The following UST variants were observed in gnomAD, a reference collection of about 807,000 sequenced individuals.
The protein encoded by UST is chondroitin sulfate 2-O-sulfotransferase.
Under a neutral mutation model 45.6 loss-of-function variants are expected in UST, and 21 were observed. That is an observed-to-expected ratio of 0.46 (90% CI 0.33 to 0.66). The LOEUF (loss-of-function observed/expected upper bound fraction) is 0.66. UST is among the 30% of genes least tolerant of loss of function. UST has a pLI of 0.02. For synonymous variants in UST, 215 were observed against 200.6 expected, an observed-to-expected ratio of 1.07 and a Z score of -0.61; for missense variants, 463 against 512.4, an observed-to-expected ratio of 0.90 and a Z score of 0.93.
intron 5 of UST, among the ~76,000 whole-genome samples, chr6:148,965,876 CTTTTTT>C (rs56202168): frequency 0.027 from 3,452 of 126,256 alleles, 80 homozygotes; most frequent in African/African-American, 0.083. Context: ...TGGCTTTTCC[CTTTTTT>C]TTTTTTTTTT....
chr6:149,012,801 AT>A (rs67919274), intron 5 of UST, among the ~76,000 whole-genome samples: 31,114 of 138,710 alleles, frequency 0.22, 3,383 homozygotes, highest in Non-Finnish European at 0.24. Context: ...CAGAGTCACT[AT>A]TTAAAAAAAA....
chr6:148,797,980 T>C (rs1385706428), intron 1 of UST, among the ~76,000 whole-genome samples: 1 of 152,144 alleles, frequency 6.6e-6, no homozygotes, highest in East Asian at 1.9e-4. Flanking sequence ...ATCATTCTAA[T>C]GGATGGCAAA....
chr6:148,974,372 T>G (rs1296276562), intron 5 of UST, among the ~76,000 whole-genome samples: 1 of 152,136 alleles, frequency 6.6e-6, no homozygotes, highest in African/African-American at 2.4e-5. Flanking sequence ...GCCTGGACAT[T>G]GTGATGGTCT....
At chr6:148,875,151 C>T (rs562057917) in intron 1 of UST, among the ~76,000 whole-genome samples, 4 of 152,334 alleles carry the variant, frequency 2.6e-5, no homozygotes, top group Non-Finnish European at 5.9e-5. Context: ...GTCACGGCAG[C>T]TTCTTTGACA....
At chr6:149,050,395 G>T (rs1776466196) in intron 7 of UST, among the ~76,000 whole-genome samples, 1 of 152,176 alleles carries the variant, frequency 6.6e-6, no homozygotes, top group African/African-American at 2.4e-5. Context: ...TTTTCATTGA[G>T]TGATTACAGA....
chr6:148,908,928 T>G (rs1779421844), intron 2 of UST, among the ~76,000 whole-genome samples: 1 of 152,240 alleles, frequency 6.6e-6, no homozygotes, highest in Admixed American at 6.5e-5. Context: ...AATCTCTTTC[T>G]TAAACCTTAG....
intron 3 of UST, among the ~76,000 whole-genome samples, chr6:148,953,057 C>G (rs748573649): frequency 3.9e-5 from 6 of 152,114 alleles, no homozygotes; most frequent in Non-Finnish European, 8.8e-5. Context: ...ACCAAAACAC[C>G]AAGACATTTG....
At chr6:148,867,188 TG>T (rs1330588354) in intron 1 of UST, among the ~76,000 whole-genome samples, 3 of 152,078 alleles carry the variant, frequency 2.0e-5, no homozygotes, top group Non-Finnish European at 4.4e-5. Flanking sequence ...CTTTGTCATT[TG>T]GCAGGCACAA....
chr6:148,766,579 G>A (rs769763082), intron 1 of UST, among the ~76,000 whole-genome samples: 2 of 152,172 alleles, frequency 1.3e-5, no homozygotes, highest in Non-Finnish European at 2.9e-5. Flanking sequence ...TCCCGTATGA[G>A]GTGTGTTGAA....
chr6:148,877,605 T>TGCAGG (rs1370410780), intron 1 of UST, among the ~76,000 whole-genome samples: 2 of 67,450 alleles, frequency 3.0e-5, no homozygotes, highest in African/African-American at 7.2e-5. Flanking sequence ...CGTGTATGAG[T>TGCAGG]GGGTCGTGTA....
intron 2 of UST, among the ~76,000 whole-genome samples, chr6:148,913,662 A>G (rs1779523439): frequency 1.3e-5 from 2 of 152,142 alleles, no homozygotes; most frequent in African/African-American, 4.8e-5. Flanking sequence ...TGGCTTTCCT[A>G]TGTCAGTTCA....
At chr6:148,842,935 A>G (rs1777916186) in intron 1 of UST, among the ~76,000 whole-genome samples, 1 of 152,168 alleles carries the variant, frequency 6.6e-6, no homozygotes, top group Non-Finnish European at 1.5e-5. Flanking sequence ...CCGGAAATAG[A>G]TATTAAATAA....
intron 6 of UST, 25 bp from the exon 7 acceptor site, chr6:149,021,299 T>A: frequency 6.4e-7 from 1 of 1,566,608 alleles, no homozygotes; most frequent in Non-Finnish European, 8.7e-7. Context: ...TGTCTGATTT[T>A]AAATAAATTT....
At chr6:149,006,277 C>T (rs1460250704) in intron 5 of UST, among the ~76,000 whole-genome samples, 1 of 152,112 alleles carries the variant, frequency 6.6e-6, no homozygotes, top group African/African-American at 2.4e-5. Flanking sequence ...ATGTGTTCCC[C>T]TCCCTATGTC....
chr6:148,852,062 G>A (rs1170084576), intron 1 of UST, among the ~76,000 whole-genome samples: 2 of 152,178 alleles, frequency 1.3e-5, no homozygotes, highest in African/African-American at 4.8e-5. Context: ...CAGCAAAAGG[G>A]ATTAAGCAAA....
At chr6:148,897,872 G>A (rs1466731308) in intron 2 of UST, among the ~76,000 whole-genome samples, 2 of 152,212 alleles carry the variant, frequency 1.3e-5, no homozygotes, top group Non-Finnish European at 2.9e-5. Flanking sequence ...TTGAGGTCTT[G>A]TAGGTATCCC....
Position 148,991,794 on chromosome 6 carries a change from A to G in UST, c.681+27231A>G, listed in dbSNP as rs183420323. ...ATTCAATGGATTAGGTCTCCTTTAT[A>G]ATCCTGTTTATTATATACATTTAAG... On this transcript the variant is annotated intron_variant, in intron 5 of 7. Coordinates refer to ENST00000367463, the MANE Select transcript of UST (RefSeq NM_005715.3). 8.5e-4 allele frequency among the ~76,000 whole-genome samples: 129 copies of G among 152,140 alleles called. 1 individual carries two copies. Among genetic ancestry groups the G allele is most frequent in the African/African-American group, 3.0e-3 (124 of 41,510 alleles).
intron 1 of UST, among the ~76,000 whole-genome samples, chr6:148,825,684 GC>G (rs781382391): frequency 5.9e-5 from 9 of 152,304 alleles, no homozygotes; most frequent in South Asian, 2.1e-4. Context: ...GCGTAACATT[GC>G]CATGAGCTCA....
intron 5 of UST, among the ~76,000 whole-genome samples, chr6:149,014,539 ATG>A (rs1335270954): frequency 2.6e-5 from 4 of 152,162 alleles, no homozygotes; most frequent in South Asian, 2.1e-4. Flanking sequence ...CATCTGCCAG[ATG>A]TGGCTGGCAG....
Sources: gnomAD v4.1 joint callset for allele counts (sites outside exome capture counted in the v4.1 genomes callset) on GRCh38, gnomAD v4.1.1 for gene constraint, MANE v1.5 for transcripts, NCBI Gene and HGNC (gene_info 2026-07-23, HGNC 2026-07-21) for gene names.